C7orf33: variants seen among roughly 807,000 people sequenced by gnomAD.
The protein encoded by C7orf33 is chromosome 7 open reading frame 33.
A neutral mutation model predicts 13.4 loss-of-function variants in C7orf33; 15 were observed. The observed-to-expected ratio is 1.12, with a 90% confidence interval of 0.75 to 1.72. The LOEUF (loss-of-function observed/expected upper bound fraction) is 1.72. Ranked by LOEUF, C7orf33 falls within the 40% of genes most tolerant of loss-of-function variation. C7orf33 has a pLI of 0.00. For missense variants in C7orf33, 187 were observed against 220.3 expected, an observed-to-expected ratio of 0.85 and a Z score of 0.96; for synonymous variants, 73 against 83.2, an observed-to-expected ratio of 0.88 and a Z score of 0.67.
chr7:148,591,411 T>C (rs1796268176), intron 1 of C7orf33, among the ~76,000 whole-genome samples: 1 of 152,192 alleles, frequency 6.6e-6, no homozygotes, highest in African/African-American at 2.4e-5. Context: ...AAAAATTGTA[T>C]ATTTTCACAC....
chr7:148,602,822 G>A (rs921339374), intron 1 of C7orf33, among the ~76,000 whole-genome samples: 4 of 152,036 alleles, frequency 2.6e-5, no homozygotes, highest in South Asian at 4.1e-4. Context: ...AACATTTATC[G>A]AAGCTGTTGG....
chr7:148,608,708 G>A (rs909806805), intron 1 of C7orf33, among the ~76,000 whole-genome samples: 3 of 150,904 alleles, frequency 2.0e-5, no homozygotes, highest in Admixed American at 6.6e-5. Context: ...CCAGCTACTC[G>A]GGGAGGCTGA....
rs1435396972 is a variant in C7orf33, at chr7:148,602,534, G to A, written c.204+11405G>A. ...AATTGCTTGAACCCAGGAGGTGGAG[G>A]TTACAATGAGCCAAGATTGTGCCAC... On this transcript the variant is annotated intron_variant, in intron 1 of 2. Transcript: ENST00000307003. Among the ~76,000 whole-genome samples, 3 of 152,124 alleles carry A rather than the reference G, an allele frequency of 2.0e-5. No homozygotes were observed. In the East Asian group the frequency reaches 5.8e-4, roughly 29 times the overall value.
chr7:148,615,290 T>G (rs6962115), intron 2 of C7orf33, 37 bp from the exon 3 acceptor site: 751,278 of 1,378,886 alleles, frequency 0.54, 207,456 homozygotes, highest in African/African-American at 0.67. Flanking sequence ...AGGTAAATCA[T>G]CCTGAGATAA....
At chr7:148,593,814 G>A (rs1445008551) in intron 1 of C7orf33, among the ~76,000 whole-genome samples, 1 of 152,122 alleles carries the variant, frequency 6.6e-6, no homozygotes, top group African/African-American at 2.4e-5. Context: ...TGCTGGAAAA[G>A]AAGTGACATG....
intron 1 of C7orf33, among the ~76,000 whole-genome samples, chr7:148,606,866 C>T (rs1348623045): frequency 6.6e-6 from 1 of 151,072 alleles, no homozygotes; most frequent in African/African-American, 2.4e-5. Flanking sequence ...GGATGACAGG[C>T]GTGAGCCACC....
rs759296225 is a variant in C7orf33 at position 148,591,010 on chromosome 7, C to G, written c.85C>G (p.Pro29Ala). The change falls in exon 1 of 3, where the codon CCC (proline) becomes GCC (alanine). Residue 29 changes from proline (P) to alanine (A), a missense_variant. By Grantham distance (27) the Pro-to-Ala change is conservative. Coordinates refer to ENST00000307003, the MANE Select transcript of C7orf33 (RefSeq NM_145304.4). ...CCAATGTGAATGTGAAGCCCTCCTG[C>G]CCAGTGGGGCAAGGCGCCGGATTGA... ...GPQCECEALL[P>A]SGARRRIDLR... The G allele has an allele frequency of 9.9e-6, 16 of 1,614,176 alleles. No individual in the cohort carries two copies. The South Asian group carries it at 1.8e-4, about 18-fold the overall frequency.
At chr7:148,601,052 T>A (rs905927904) in intron 1 of C7orf33, among the ~76,000 whole-genome samples, 6 of 152,114 alleles carry the variant, frequency 3.9e-5, no homozygotes, top group Non-Finnish European at 7.4e-5. Context: ...TCTGCCCACC[T>A]CAGCCTCCCA....
chr7:148,605,180 T>A (rs916707323), intron 1 of C7orf33, among the ~76,000 whole-genome samples: 5 of 152,180 alleles, frequency 3.3e-5, no homozygotes, highest in African/African-American at 4.8e-5. Flanking sequence ...AACAATTTAT[T>A]TAGCTCAGAA....
At position 148,606,876 on chromosome 7, in the gene C7orf33, C is replaced by T. The variant is rs369482905; in HGVS notation, c.205-7166C>T. ...TGCTGGGATGACAGGCGTGAGCCAC[C>T]GCGTCTGGCCACCTCATAAGGTTCT... On this transcript the variant is annotated intron_variant, in intron 1 of 2. Transcript: ENST00000307003. 9.3e-5 allele frequency among the ~76,000 whole-genome samples: 14 copies of T among 150,988 alleles called. No homozygotes were observed. The East Asian group carries it at 1.2e-3, about 13-fold the overall frequency.
intron 1 of C7orf33, among the ~76,000 whole-genome samples, chr7:148,597,698 T>C (rs1285128941): frequency 6.6e-6 from 1 of 152,218 alleles, no homozygotes; most frequent in Non-Finnish European, 1.5e-5. Flanking sequence ...ACCATTATTC[T>C]GAATTCATTG....
At chr7:148,593,411 T>C (rs981216147) in intron 1 of C7orf33, among the ~76,000 whole-genome samples, 4 of 151,986 alleles carry the variant, frequency 2.6e-5, no homozygotes, top group African/African-American at 9.7e-5. Flanking sequence ...TACAGGCACC[T>C]GCCACCACTC....
intron 1 of C7orf33, among the ~76,000 whole-genome samples, chr7:148,591,473 T>C (rs1796268875): frequency 6.6e-6 from 1 of 152,236 alleles, no homozygotes; most frequent in South Asian, 2.1e-4. Context: ...GCCCTGGAGA[T>C]GGGTCCACAG....
At chr7:148,605,632 G>A (rs920557546) in intron 1 of C7orf33, among the ~76,000 whole-genome samples, 2 of 152,134 alleles carry the variant, frequency 1.3e-5, no homozygotes, top group Admixed American at 1.3e-4. Flanking sequence ...ACCTCATACG[G>A]CCCATCTCAT....
At chr7:148,594,239 G>A (rs1048209899) in intron 1 of C7orf33, among the ~76,000 whole-genome samples, 1 of 147,274 alleles carries the variant, frequency 6.8e-6, no homozygotes, top group African/African-American at 2.5e-5. Flanking sequence ...GCAGTGGTAC[G>A]ATCTTGGCTC....
At position 148,602,044 on chromosome 7, in the gene C7orf33, C is replaced by T. The variant is rs568552801; in HGVS notation, c.204+10915C>T. ...GATTACAGGCGTGAGCCACAGCACC[C>T]GGCCCAAACTGAGTTTATCTCTAGA... On this transcript the variant is annotated intron_variant, in intron 1 of 2. Coordinates refer to ENST00000307003, the MANE Select transcript of C7orf33 (RefSeq NM_145304.4). Among the ~76,000 whole-genome samples the T allele has an allele frequency of 1.5e-3, 231 of 152,258 alleles. 1 individual carries two copies. The highest frequency in any genetic ancestry group is 2.4e-3 in the Non-Finnish European group (161 of 68,024).
intron 1 of C7orf33, among the ~76,000 whole-genome samples, chr7:148,604,499 G>A (rs1796451568): frequency 6.6e-6 from 1 of 152,150 alleles, no homozygotes; most frequent in Non-Finnish European, 1.5e-5. Context: ...CTTACAAGTG[G>A]GAGCTAAACT....
intron 1 of C7orf33, among the ~76,000 whole-genome samples, chr7:148,610,696 C>T (rs1796527398): frequency 6.6e-6 from 1 of 152,096 alleles, no homozygotes; most frequent in Non-Finnish European, 1.5e-5. Flanking sequence ...AAGGTGGCTT[C>T]TGAGCTGAGC....
chr7:148,594,102 C>T (rs1274895497), intron 1 of C7orf33, among the ~76,000 whole-genome samples: 1 of 152,050 alleles, frequency 6.6e-6, no homozygotes, highest in African/African-American at 2.4e-5. Context: ...TTGAGGCCTC[C>T]CCAGAAGCCG....
Sources: allele counts gnomAD v4.1 joint callset (sites outside exome capture counted in the v4.1 genomes callset), GRCh38; gene constraint gnomAD v4.1.1; transcripts MANE v1.5; gene names NCBI Gene and HGNC (gene_info 2026-07-23, HGNC 2026-07-21).